SRBD1: variants seen among roughly 807,000 people sequenced by gnomAD.
SRBD1 encodes the protein S1 RNA-binding domain-containing protein 1.
SRBD1 carries 88 observed loss-of-function variants against 115.3 expected under a neutral mutation model. The ratio of observed to expected loss-of-function variants is 0.76; its 90% CI spans 0.64 to 0.91. SRBD1 has a LOEUF of 0.91. Ranked by LOEUF, SRBD1 falls within the 40% of genes least tolerant of loss-of-function variation. The pLI is 0.00. For missense variants in SRBD1, 1,385 were observed against 1,177.4 expected, an observed-to-expected ratio of 1.18 and a Z score of -2.58; for synonymous variants, 509 against 407.7, an observed-to-expected ratio of 1.25 and a Z score of -2.99.
intron 14 of SRBD1, among the ~76,000 whole-genome samples, chr2:45,528,020 T>C (rs539453599): frequency 6.6e-6 from 1 of 151,998 alleles, no homozygotes; most frequent in South Asian, 2.1e-4. Context: ...CAATTTTGAA[T>C]AATAAAACAA....
intron 10 of SRBD1, among the ~76,000 whole-genome samples, chr2:45,555,292 G>T (rs1672438183): frequency 6.6e-6 from 1 of 152,172 alleles, no homozygotes. Context: ...GGCTGAAGCA[G>T]GAGGATCACT....
intron 16 of SRBD1, among the ~76,000 whole-genome samples, chr2:45,475,451 T>A (rs183456966): frequency 6.6e-6 from 1 of 152,328 alleles, no homozygotes; most frequent in East Asian, 1.9e-4. Flanking sequence ...CTATTACTTC[T>A]CACTGTTGTT....
intron 14 of SRBD1, among the ~76,000 whole-genome samples, chr2:45,519,600 T>C (rs921555340): frequency 2.0e-5 from 3 of 152,224 alleles, no homozygotes; most frequent in African/African-American, 2.4e-5. Flanking sequence ...TATTCTTTAC[T>C]CAGTAATTCC....
chr2:45,431,372 G>C lies in SRBD1; in HGVS notation c.2050-11478C>G, dbSNP rs1318549456. ...TTGCAGCACTATTCACAATAGCAAA[G>C]ACTTGGAACCAACCCAAATGCCCAT... On this transcript the variant is annotated intron_variant, in intron 16 of 20. Transcript: ENST00000263736. 2.6e-5 allele frequency among the ~76,000 whole-genome samples: 4 copies of C among 152,112 alleles called. No individual in the cohort carries two copies. In the South Asian group the frequency reaches 8.3e-4, roughly 31 times the overall value.
At chr2:45,559,162 G>C (rs17033873) in intron 10 of SRBD1, among the ~76,000 whole-genome samples, 24,363 of 152,052 alleles carry the variant, frequency 0.16, 4,655 homozygotes, top group African/African-American at 0.46. Context: ...AATCTCTTGT[G>C]CCATATCTAC....
At chr2:45,506,186 G>T (rs960631111) in intron 14 of SRBD1, among the ~76,000 whole-genome samples, 1 of 152,066 alleles carries the variant, frequency 6.6e-6, no homozygotes, top group Admixed American at 6.6e-5. Context: ...ACAAACTAGG[G>T]TTCACTCAGA....
intron 3 of SRBD1, 48 bp downstream of exon 3, chr2:45,601,855 A>T (rs1335752634): frequency 6.3e-7 from 1 of 1,588,660 alleles, no homozygotes; most frequent in East Asian, 2.2e-5. Context: ...TAACATCACC[A>T]ATCAGGAAGA....
chr2:45,479,767 A>C (rs1669906945), intron 15 of SRBD1, among the ~76,000 whole-genome samples: 1 of 152,258 alleles, frequency 6.6e-6, no homozygotes, highest in Non-Finnish European at 1.5e-5. Flanking sequence ...GCAGATTGTC[A>C]ATGTAAACAA....
At chr2:45,608,079 T>A (rs1674328292) in intron 1 of SRBD1, among the ~76,000 whole-genome samples, 2 of 152,204 alleles carry the variant, frequency 1.3e-5, no homozygotes, top group Non-Finnish European at 2.9e-5. Flanking sequence ...TACCATATAC[T>A]AATTCTATCT....
Position 45,484,660 on chromosome 2 carries a change from T to C in SRBD1, c.1966+3580A>G, listed in dbSNP as rs570179724. Among the ~76,000 whole-genome samples, 67 of 152,320 alleles carry C rather than the reference T, an allele frequency of 4.4e-4. 1 individual carries two copies. The South Asian group carries it at 0.013, about 29-fold the overall frequency. ...AGTGCTACTTAGCATACTTGCAATA[T>C]TGTGCCCCACCATCTCCTATCAAGT... On this transcript the variant is annotated intron_variant, in intron 15 of 20. Coordinates refer to ENST00000263736, the MANE Select transcript of SRBD1 (RefSeq NM_018079.5).
chr2:45,556,136 G>C (rs1572771720), intron 10 of SRBD1, among the ~76,000 whole-genome samples: 1 of 152,054 alleles, frequency 6.6e-6, no homozygotes, highest in African/African-American at 2.4e-5. Flanking sequence ...TTAAATTTTA[G>C]TGGAAGTGCT....
At chr2:45,480,157 T>C (rs920265865) in intron 15 of SRBD1, among the ~76,000 whole-genome samples, 1 of 152,190 alleles carries the variant, frequency 6.6e-6, no homozygotes, top group Non-Finnish European at 1.5e-5. Context: ...GATGGAGATG[T>C]ACAAGATTAA....
chr2:45,541,687 T>A (rs1671944548), intron 14 of SRBD1, among the ~76,000 whole-genome samples: 1 of 152,080 alleles, frequency 6.6e-6, no homozygotes, highest in Admixed American at 6.5e-5. Flanking sequence ...AGTGTCCAGC[T>A]CCCAGTGGAG....
intron 19 of SRBD1, among the ~76,000 whole-genome samples, chr2:45,404,140 C>A (rs1180738818): frequency 6.6e-6 from 1 of 152,092 alleles, no homozygotes; most frequent in Non-Finnish European, 1.5e-5. Context: ...CTAAGGATAT[C>A]TCGTCAGATC....
At chr2:45,413,809 G>A (rs1371992977) in intron 18 of SRBD1, among the ~76,000 whole-genome samples, 3 of 152,156 alleles carry the variant, frequency 2.0e-5, no homozygotes, top group African/African-American at 7.2e-5. Flanking sequence ...ATGCCTGCCT[G>A]TAGTCCCAGC....
chr2:45,497,573 T>C (rs1051554441), intron 14 of SRBD1, among the ~76,000 whole-genome samples: 1 of 152,136 alleles, frequency 6.6e-6, no homozygotes, highest in African/African-American at 2.4e-5. Flanking sequence ...TTCTAAGAAG[T>C]TCTCTGGTGA....
In SRBD1 at chr2:45,549,283, T is replaced by C. The variant is rs190349338; in HGVS notation, c.1676-1671A>G. On this transcript the variant is annotated intron_variant, in intron 12 of 20. Coordinates refer to ENST00000263736, the MANE Select transcript of SRBD1 (RefSeq NM_018079.5). ...CAGATTCCAGAAACTATAAACTATC[T>C]CTCAATCCACACAGAGTTTTTTTTT... is the stretch of plus-strand genomic sequence containing the variant. 2.5e-3 allele frequency among the ~76,000 whole-genome samples: 310 copies of C among 123,922 alleles called. 2 individuals are homozygous for C. Among genetic ancestry groups the C allele is most frequent in the Non-Finnish European group, 2.9e-3 (162 of 56,086 alleles). 81.3% of individuals were successfully genotyped at this position (123,922 alleles called of 152,430 possible).
intron 16 of SRBD1, among the ~76,000 whole-genome samples, chr2:45,461,217 A>T (rs1240309650): frequency 6.6e-6 from 1 of 152,244 alleles, no homozygotes; most frequent in Non-Finnish European, 1.5e-5. Context: ...GATAAAATAT[A>T]AAACGGATTG....
intron 8 of SRBD1, among the ~76,000 whole-genome samples, chr2:45,573,706 T>TA (rs1365988827): frequency 1.3e-5 from 2 of 152,104 alleles, no homozygotes; most frequent in Non-Finnish European, 2.9e-5. Context: ...ATTAAAAACT[T>TA]AAAAAAAGAG....
Sources: gnomAD v4.1 joint callset for allele counts (sites outside exome capture counted in the v4.1 genomes callset) on GRCh38, gnomAD v4.1.1 for gene constraint, MANE v1.5 for transcripts, NCBI Gene and HGNC (gene_info 2026-07-23, HGNC 2026-07-21) for gene names.